Variants in GRIK4 observed in about 807,000 individuals in gnomAD.
The protein encoded by GRIK4 is glutamate ionotropic receptor kainate type subunit 4.
GRIK4 carries 40 observed loss-of-function variants against 104.9 expected under a neutral mutation model. The observed-to-expected ratio is 0.38, with a 90% CI of 0.30 to 0.50. The LOEUF (loss-of-function observed/expected upper bound fraction) is 0.50. GRIK4 is among the 20% of genes least tolerant of loss of function. The pLI, the probability that GRIK4 is intolerant of heterozygous loss-of-function variation, is 0.93. For missense variants in GRIK4, 1,047 were observed against 1,308.1 expected (o/e 0.80, Z 3.08); for synonymous variants, 485 against 524.9 (o/e 0.92, Z 1.04).
At chr11:120,768,757 C>T (rs541919479) in intron 3 of GRIK4, among the ~76,000 whole-genome samples, 1 of 152,084 alleles carries the variant, frequency 6.6e-6, no homozygotes, top group African/African-American at 2.4e-5. Context: ...AGAAGGGATG[C>T]TGAACTTTGT....
intron 8 of GRIK4, among the ~76,000 whole-genome samples, chr11:120,840,963 G>A (rs1591979431): frequency 6.6e-6 from 1 of 152,150 alleles, no homozygotes; most frequent in South Asian, 2.1e-4. Context: ...CTAGCTAGGT[G>A]CCTCATAGAA....
At chr11:120,585,325 C>T (rs1227287187) in intron 1 of GRIK4, among the ~76,000 whole-genome samples, 1 of 150,590 alleles carries the variant, frequency 6.6e-6, no homozygotes, top group Non-Finnish European at 1.5e-5. Flanking sequence ...TTTTCATTCT[C>T]TCTCTCCCTC....
At chr11:120,669,388 ACCTT>A (rs1160142507) in intron 3 of GRIK4, among the ~76,000 whole-genome samples, 1 of 151,844 alleles carries the variant, frequency 6.6e-6, no homozygotes, top group Non-Finnish European at 1.5e-5. Flanking sequence ...CTTCTTAAAA[ACCTT>A]CCTTAGCTGC....
chr11:120,523,110 G>A (rs1947814825), intron 1 of GRIK4, among the ~76,000 whole-genome samples: 1 of 149,922 alleles, frequency 6.7e-6, no homozygotes, highest in South Asian at 2.2e-4. Flanking sequence ...ACCCCATCAG[G>A]GGGCCAAAAT....
At chr11:120,962,369 C>A in intron 17 of GRIK4, 87 bp from the exon 18 acceptor site, 2 of 846,706 alleles carry the variant, frequency 2.4e-6, no homozygotes, top group Non-Finnish European at 1.9e-6. Context: ...GGGCCGGCAT[C>A]TTAAGGTGCA....
intron 7 of GRIK4, among the ~76,000 whole-genome samples, chr11:120,832,805 C>A (rs1422733593): frequency 2.0e-5 from 3 of 152,204 alleles, no homozygotes; most frequent in African/African-American, 7.2e-5. Context: ...CCACACAGGA[C>A]AAACTGCTGG....
intron 3 of GRIK4, among the ~76,000 whole-genome samples, chr11:120,724,510 A>T (rs1950993201): frequency 6.6e-6 from 1 of 152,158 alleles, no homozygotes; most frequent in Admixed American, 6.5e-5. Flanking sequence ...CAATGATTGG[A>T]GAAGGAATGT....
At chr11:120,873,801 G>C (rs1272200564) in intron 9 of GRIK4, 1 of 361,234 alleles carries the variant, frequency 2.8e-6, no homozygotes, top group South Asian at 7.1e-5. Context: ...TTGAAGTCAT[G>C]TGGGGCCCAA....
chr11:120,632,642 C>T (rs12273151), intron 1 of GRIK4, among the ~76,000 whole-genome samples: 3,289 of 152,206 alleles, frequency 0.022, 110 homozygotes, highest in African/African-American at 0.069. Flanking sequence ...AAACTTGGCT[C>T]TTCCAGGAAT....
chr11:120,843,905 G>A (rs372116251), intron 8 of GRIK4, among the ~76,000 whole-genome samples: 73 of 152,216 alleles, frequency 4.8e-4, no homozygotes, highest in African/African-American at 1.7e-3. Context: ...CTGTTCACCC[G>A]ACAGGTCCTC....
Position 120,842,149 on chromosome 11 carries a change from A to C in GRIK4, c.744+5305A>C, listed in dbSNP as rs34390575. On this transcript the variant is annotated intron_variant, in intron 8 of 20. Transcript: ENST00000527524. Reference sequence around the variant, plus strand: ...TAATGCTAGCTGCTATAACAGATAAACCCCCAGATCTCATCGTTTCACACA... The same window carrying C: ...TAATGCTAGCTGCTATAACAGATAACCCCCCAGATCTCATCGTTTCACACA... Among the ~76,000 whole-genome samples the C allele has an allele frequency of 3.9e-5, 6 of 152,252 alleles. No homozygotes were observed. In the East Asian group the frequency reaches 1.2e-3, roughly 29 times the overall value.
chr11:120,814,328 G>C (rs531354755), intron 4 of GRIK4, among the ~76,000 whole-genome samples: 1 of 152,170 alleles, frequency 6.6e-6, no homozygotes, highest in African/African-American at 2.4e-5. Context: ...GGTGGGGTGC[G>C]GTGGCTCATG....
intron 1 of GRIK4, among the ~76,000 whole-genome samples, chr11:120,551,080 A>G (rs926107910): frequency 2.0e-5 from 3 of 152,222 alleles, no homozygotes; most frequent in Admixed American, 2.0e-4. Context: ...CACGAGACGA[A>G]TGGTTTGGCC....
intron 1 of GRIK4, among the ~76,000 whole-genome samples, chr11:120,554,717 C>A (rs539479597): frequency 2.4e-4 from 37 of 152,220 alleles, no homozygotes; most frequent in African/African-American, 8.4e-4. Flanking sequence ...CGCCACCATG[C>A]CTGGCTGATT....
At chr11:120,607,137 C>T (rs1246024849) in intron 1 of GRIK4, among the ~76,000 whole-genome samples, 1 of 152,120 alleles carries the variant, frequency 6.6e-6, no homozygotes, top group Non-Finnish European at 1.5e-5. Flanking sequence ...CTCAGTGGTC[C>T]AGGTGAGAAA....
chr11:120,941,109 C>G (rs997570845), intron 14 of GRIK4, among the ~76,000 whole-genome samples: 1 of 152,184 alleles, frequency 6.6e-6, no homozygotes, highest in East Asian at 1.9e-4. Flanking sequence ...CTGGCTGGGT[C>G]TCATCCATCA....
chr11:120,554,958 C>T (rs1259217545), intron 1 of GRIK4, among the ~76,000 whole-genome samples: 2 of 152,144 alleles, frequency 1.3e-5, no homozygotes, highest in African/African-American at 2.4e-5. Flanking sequence ...GTGGTGAGGA[C>T]GGCACTGGAG....
chr11:120,884,877 C>T (rs1181297242), intron 11 of GRIK4, among the ~76,000 whole-genome samples: 1 of 152,260 alleles, frequency 6.6e-6, no homozygotes, highest in Non-Finnish European at 1.5e-5. Context: ...TCGCAGAAAG[C>T]TCAGAAGTTG....
intron 3 of GRIK4, among the ~76,000 whole-genome samples, chr11:120,717,827 T>C (rs1950861668): frequency 2.0e-5 from 3 of 152,116 alleles, no homozygotes. Flanking sequence ...GGCAGGAATG[T>C]GCTCTCCCTG....
Sources: allele counts gnomAD v4.1 joint callset (sites outside exome capture counted in the v4.1 genomes callset), GRCh38; gene constraint gnomAD v4.1.1; transcripts MANE v1.5; gene names NCBI Gene and HGNC (gene_info 2026-07-23, HGNC 2026-07-21).